Variants in MYT1L observed in about 807,000 individuals in gnomAD.
MYT1L encodes the protein myelin transcription factor 1-like protein.
In MYT1L, 12 loss-of-function variants were observed where a neutral mutation model predicts 126.7. The observed-to-expected ratio is 0.09, with a 90% CI of 0.06 to 0.15. MYT1L has a LOEUF of 0.15. Ranked by LOEUF, MYT1L falls within the 10% of genes least tolerant of loss-of-function variation. The pLI, the probability that MYT1L is intolerant of heterozygous loss-of-function variation, is 1.00. For synonymous variants in MYT1L, 541 were observed against 604.2 expected (o/e 0.90, Z 1.53); for missense variants, 979 against 1,585.2 (o/e 0.62, Z 6.49).
rs1252467270 is a variant in MYT1L, at chr2:1,943,180, CCTT to C, written c.304_306del (p.Lys102del). 1.3e-6 allele frequency: 2 copies of C among 1,551,626 alleles called. No homozygotes were observed. The highest frequency in any genetic ancestry group is 2.0e-5 in the Admixed American group (1 of 50,992). On this transcript the variant is annotated inframe_deletion, in exon 9 of 25. Coordinates refer to ENST00000647738, the MANE Select transcript of MYT1L (RefSeq NM_001303052.2). This position sits in a 1 kb window ranked among gnomAD's most constrained non-coding sequence, Gnocchi z 4.4. ...GAGTACTCCTCCCCCTCATCCTCCT[CCTT>C]CTCATCCATGTCCTCAGTCCCATCA...
At chr2:2,236,551 T>A (rs1370963586) in intron 2 of MYT1L, among the ~76,000 whole-genome samples, 2 of 127,612 alleles carry the variant, frequency 1.6e-5, no homozygotes, top group South Asian at 2.6e-4. Flanking sequence ...GCCCAGCACA[T>A]CCCAACCCAA....
chr2:1,959,141 G>GA (rs1307806249), intron 8 of MYT1L, among the ~76,000 whole-genome samples: 9 of 151,980 alleles, frequency 5.9e-5, no homozygotes, highest in South Asian at 2.1e-4. Flanking sequence ...TCATAGCTGT[G>GA]AAAAAAAACA....
At chr2:2,007,513 CATAAG>C (rs1431829949) in intron 4 of MYT1L, among the ~76,000 whole-genome samples, 2 of 152,180 alleles carry the variant, frequency 1.3e-5, no homozygotes, top group Non-Finnish European at 2.9e-5. Context: ...TGGCACTTTA[CATAAG>C]ATAAGGTGAA....
chr2:1,954,974 AAAAGAAAG>A (rs542972122), intron 8 of MYT1L, among the ~76,000 whole-genome samples: 4 of 151,714 alleles, frequency 2.6e-5, no homozygotes, highest in East Asian at 1.9e-4. Context: ...AGAAAGAAAG[AAAAGAAAG>A]AAAGAAAGAA....
At chr2:2,124,667 TTTC>T (rs2081462757) in intron 3 of MYT1L, among the ~76,000 whole-genome samples, 1 of 152,256 alleles carries the variant, frequency 6.6e-6, no homozygotes, top group Non-Finnish European at 1.5e-5. Flanking sequence ...TCATTGATTC[TTTC>T]TTAAGACCAT....
At chr2:2,213,495 A>G (rs1239784636) in intron 2 of MYT1L, among the ~76,000 whole-genome samples, 1 of 152,162 alleles carries the variant, frequency 6.6e-6, no homozygotes, top group East Asian at 1.9e-4. Context: ...CCAGCCGAAA[A>G]ACCACCTGAA....
intron 2 of MYT1L, among the ~76,000 whole-genome samples, chr2:2,253,250 GC>G (rs570491587): frequency 7.5e-4 from 115 of 152,324 alleles, no homozygotes; most frequent in Non-Finnish European, 1.3e-3. Context: ...AGCTTTTGCT[GC>G]CCCCCTCGCA....
At chr2:1,818,283 C>G (rs1280722574) in intron 21 of MYT1L, among the ~76,000 whole-genome samples, 1 of 152,144 alleles carries the variant, frequency 6.6e-6, no homozygotes, top group Non-Finnish European at 1.5e-5. Context: ...AGGATGAGAA[C>G]TCACGACAAA....
chr2:2,079,424 T>C (rs891069392), intron 3 of MYT1L, among the ~76,000 whole-genome samples: 7 of 152,254 alleles, frequency 4.6e-5, no homozygotes, highest in African/African-American at 1.7e-4. Flanking sequence ...CAAATTGATC[T>C]ACAGATCCAA....
At chr2:2,001,212 T>A (rs914937371) in intron 4 of MYT1L, among the ~76,000 whole-genome samples, 2 of 149,850 alleles carry the variant, frequency 1.3e-5, no homozygotes, top group Non-Finnish European at 3.0e-5. Context: ...TTGGATTGTC[T>A]AAATTTATCT....
intron 5 of MYT1L, among the ~76,000 whole-genome samples, chr2:1,982,256 C>T (rs1317734995): frequency 6.6e-6 from 1 of 152,036 alleles, no homozygotes; most frequent in Non-Finnish European, 1.5e-5. Flanking sequence ...GTCCCCTGCC[C>T]TTGTCACAGG....
intron 8 of MYT1L, among the ~76,000 whole-genome samples, chr2:1,945,381 G>A (rs561725846): frequency 6.6e-6 from 1 of 152,322 alleles, no homozygotes; most frequent in Non-Finnish European, 1.5e-5. Context: ...GAGAAAGTGA[G>A]CTGAGGAGGG....
At chr2:2,003,517 C>T (rs1558690878) in intron 4 of MYT1L, among the ~76,000 whole-genome samples, 1 of 152,208 alleles carries the variant, frequency 6.6e-6, no homozygotes, top group Non-Finnish European at 1.5e-5. Flanking sequence ...TTGATTCCCA[C>T]TGATGGACCA....
chr2:1,913,364 C>T (rs2052338083), intron 11 of MYT1L, among the ~76,000 whole-genome samples: 1 of 152,132 alleles, frequency 6.6e-6, no homozygotes, highest in Non-Finnish European at 1.5e-5. Context: ...GTGAGTCCAC[C>T]TTTGGTTCAT....
intron 4 of MYT1L, among the ~76,000 whole-genome samples, chr2:2,004,780 AGGCATTCTTTCC>A (rs2062994421): frequency 1.4e-5 from 2 of 141,178 alleles, no homozygotes; most frequent in African/African-American, 2.7e-5. Flanking sequence ...TCTTTCCTGC[AGGCATTCTTTCC>A]TGCATGTGTT....
intron 9 of MYT1L, among the ~76,000 whole-genome samples, chr2:1,932,751 G>C (rs1472081731): frequency 1.3e-5 from 2 of 152,136 alleles, no homozygotes; most frequent in African/African-American, 2.4e-5. Context: ...GTGTTCTGGG[G>C]GAGGAAAGAG....
rs1006859052 is a variant in MYT1L, at chr2:2,059,061, T to G, written c.-303-4938A>C. ...TCAAGGACAATTGGGTCATGTCTGCTGTTTGAGAGAAGGAAGAATTCACTC... is the reference window on the plus strand; with the variant it reads ...TCAAGGACAATTGGGTCATGTCTGCGGTTTGAGAGAAGGAAGAATTCACTC... On this transcript the variant is annotated intron_variant, in intron 3 of 24. Coordinates refer to ENST00000647738, the MANE Select transcript of MYT1L (RefSeq NM_001303052.2). This position sits in a 1 kb window ranked among gnomAD's most constrained non-coding sequence, Gnocchi z 4.7. 6.6e-6 allele frequency among the ~76,000 whole-genome samples: 1 copy of G among 152,240 alleles called. No homozygotes were observed.
chr2:2,137,152 AAGG>A (rs1439817699), intron 3 of MYT1L, among the ~76,000 whole-genome samples: 4 of 152,212 alleles, frequency 2.6e-5, no homozygotes, highest in Non-Finnish European at 5.9e-5. Flanking sequence ...GGACCTCTTC[AAGG>A]AGAACTACAA....
chr2:1,828,785 G>A (rs1276067849), intron 21 of MYT1L: 1 of 152,096 alleles, frequency 6.6e-6, no homozygotes, highest in Non-Finnish European at 1.5e-5. Context: ...GGACTAGAGA[G>A]GAACCAAAAA....
Sources: allele counts gnomAD v4.1 joint callset (sites outside exome capture counted in the v4.1 genomes callset), GRCh38; gene constraint gnomAD v4.1.1; non-coding constraint Gnocchi (gnomAD v3.1); transcripts MANE v1.5; gene names NCBI Gene and HGNC (gene_info 2026-07-23, HGNC 2026-07-21).